CTNNA3: variants seen among roughly 807,000 people sequenced by gnomAD.
CTNNA3 encodes the protein catenin alpha 3, also known as catenin alpha-3.
CTNNA3 carries 76 observed loss-of-function variants against 95.7 expected under a neutral mutation model. The observed-to-expected ratio is 0.79, with a 90% CI of 0.66 to 0.96. The LOEUF (loss-of-function observed/expected upper bound fraction) is 0.96. Among genes scored for constraint, CTNNA3 ranks in the 40% least tolerant of loss-of-function variants. The probability of loss-of-function intolerance (pLI) is 0.00; values close to 1 mark genes in which losing one functional copy is unlikely to be tolerated. For missense variants in CTNNA3, 1,191 were observed against 1,089.8 expected (o/e 1.09, Z -1.31); for synonymous variants, 431 against 374.4 (o/e 1.15, Z -1.74).
intron 12 of CTNNA3, among the ~76,000 whole-genome samples, chr10:66,367,528 A>T (rs147631855): frequency 2.4e-3 from 360 of 149,842 alleles, no homozygotes; most frequent in African/African-American, 8.3e-3. Flanking sequence ...GCACATATGT[A>T]CATATCTTTA....
At chr10:66,093,102 G>A (rs1447423471) in intron 14 of CTNNA3, among the ~76,000 whole-genome samples, 4 of 151,840 alleles carry the variant, frequency 2.6e-5, no homozygotes, top group Admixed American at 6.6e-5. Context: ...ATCTTTCCCA[G>A]ATTGAAATTT....
intron 7 of CTNNA3, among the ~76,000 whole-genome samples, chr10:66,833,092 A>G (rs1842777497): frequency 6.6e-6 from 1 of 152,174 alleles, no homozygotes; most frequent in Admixed American, 6.5e-5. Context: ...GTGCTTTCAG[A>G]TCATTGTTTC....
intron 16 of CTNNA3, among the ~76,000 whole-genome samples, chr10:65,971,321 A>G (rs1410579826): frequency 6.6e-6 from 1 of 151,562 alleles, no homozygotes; most frequent in Non-Finnish European, 1.5e-5. Flanking sequence ...ATTAGATGGA[A>G]CTGAAAGAAT....
intron 2 of CTNNA3, among the ~76,000 whole-genome samples, chr10:67,628,884 C>G (rs575432901): frequency 2.6e-5 from 4 of 151,400 alleles, no homozygotes; most frequent in South Asian, 2.1e-4. Context: ...GAAAGCTCTT[C>G]CCAAATCCTG....
intron 5 of CTNNA3, among the ~76,000 whole-genome samples, chr10:67,335,806 C>T (rs76518891): frequency 5.3e-5 from 8 of 151,926 alleles, no homozygotes; most frequent in African/African-American, 1.2e-4. Flanking sequence ...CTATCGACAA[C>T]GTTGAGAACT....
chr10:66,903,374 ATC>A (rs1420193644), intron 7 of CTNNA3, among the ~76,000 whole-genome samples: 1 of 152,232 alleles, frequency 6.6e-6, no homozygotes, highest in African/African-American at 2.4e-5. Flanking sequence ...GATGGAATGT[ATC>A]TCAGAATAAT....
At chr10:66,883,790 A>G (rs1293195961) in intron 7 of CTNNA3, among the ~76,000 whole-genome samples, 1 of 152,216 alleles carries the variant, frequency 6.6e-6, no homozygotes. Flanking sequence ...TAGCAGTTAT[A>G]TCATCAGCTG....
At chr10:66,562,394 T>G (rs1842580536) in intron 10 of CTNNA3, among the ~76,000 whole-genome samples, 2 of 152,146 alleles carry the variant, frequency 1.3e-5, no homozygotes, top group African/African-American at 4.8e-5. Flanking sequence ...CCTAAGCAGA[T>G]AGCCCAGCTG....
intron 13 of CTNNA3, among the ~76,000 whole-genome samples, chr10:66,106,337 TTGTGTGTGTGTGTGTGTGTGTG>T (rs201326026): frequency 1.4e-5 from 2 of 145,442 alleles, no homozygotes; most frequent in Non-Finnish European, 3.0e-5. Context: ...GTGTGTGTGT[TTGTGTGTGTGTGTGTGTGTGTG>T]TGTGTGTGTG....
At chr10:66,781,878 G>T (rs942850509) in intron 7 of CTNNA3, among the ~76,000 whole-genome samples, 3 of 152,076 alleles carry the variant, frequency 2.0e-5, no homozygotes, top group Admixed American at 1.3e-4. Flanking sequence ...AGACACTGAG[G>T]TTCAGTAAAT....
intron 7 of CTNNA3, among the ~76,000 whole-genome samples, chr10:66,860,695 G>C (rs1843883887): frequency 6.6e-6 from 1 of 152,094 alleles, no homozygotes; most frequent in Non-Finnish European, 1.5e-5. Flanking sequence ...CCATTAAACT[G>C]TCTCTAATCC....
chr10:66,063,929 C>T (rs905234814), intron 15 of CTNNA3, among the ~76,000 whole-genome samples: 3 of 152,148 alleles, frequency 2.0e-5, no homozygotes, highest in African/African-American at 7.2e-5. Context: ...TCAACCCTTA[C>T]ACTTCTCCTA....
intron 11 of CTNNA3, among the ~76,000 whole-genome samples, chr10:66,382,434 G>A (rs1181482897): frequency 2.1e-5 from 3 of 141,518 alleles, no homozygotes; most frequent in Non-Finnish European, 3.1e-5. Flanking sequence ...CAGGAAGCTC[G>A]AACTAGGTGG....
intron 12 of CTNNA3, among the ~76,000 whole-genome samples, chr10:66,340,985 A>T (rs1378713960): frequency 2.0e-5 from 3 of 151,916 alleles, no homozygotes; most frequent in Non-Finnish European, 4.4e-5. Flanking sequence ...TCAGATTAAG[A>T]AACATACCTC....
chr10:67,478,899 C>T (rs954986693), intron 5 of CTNNA3, among the ~76,000 whole-genome samples: 1 of 150,138 alleles, frequency 6.7e-6, no homozygotes, highest in South Asian at 2.1e-4. Context: ...CACCCATAGG[C>T]TACCAAGTAA....
intron 7 of CTNNA3, among the ~76,000 whole-genome samples, chr10:67,075,192 A>ACACACACACT (rs1856684465): frequency 6.6e-6 from 1 of 152,150 alleles, no homozygotes; most frequent in African/African-American, 2.4e-5. Flanking sequence ...ACACACACTC[A>ACACACACACT]CACACTACTA....
At chr10:67,558,792 C>T (rs534463510) in intron 3 of CTNNA3, among the ~76,000 whole-genome samples, 15 of 152,348 alleles carry the variant, frequency 9.8e-5, no homozygotes, top group Admixed American at 6.5e-4. Flanking sequence ...CCTAATACTG[C>T]GCTTTTCCAA....
intron 9 of CTNNA3, among the ~76,000 whole-genome samples, chr10:66,727,379 AGTTT>A (rs1036244008): frequency 2.0e-5 from 3 of 152,132 alleles, no homozygotes; most frequent in Non-Finnish European, 2.9e-5. Flanking sequence ...TAAAGTATAT[AGTTT>A]ATTACTCTTT....
At chr10:66,173,112 CT>C (rs1012407079) in intron 13 of CTNNA3, among the ~76,000 whole-genome samples, 2 of 152,128 alleles carry the variant, frequency 1.3e-5, no homozygotes, top group Non-Finnish European at 2.9e-5. Context: ...AAAAGCACAT[CT>C]TTTCATGTAC....
Sources: gnomAD v4.1 joint callset for allele counts (sites outside exome capture counted in the v4.1 genomes callset) on GRCh38, gnomAD v4.1.1 for gene constraint, MANE v1.5 for transcripts, NCBI Gene and HGNC (gene_info 2026-07-23, HGNC 2026-07-21) for gene names.